Variants in NSUN6 observed in about 807,000 individuals in gnomAD.
NSUN6 encodes tRNA (cytosine(72)-C(5))-methyltransferase NSUN6.
In NSUN6, 64 loss-of-function variants were observed where a neutral mutation model predicts 58.0. That is an observed-to-expected ratio of 1.10 (90% CI 0.90 to 1.36). NSUN6 has a LOEUF of 1.36. NSUN6 is among the 40% of genes most tolerant of loss of function. NSUN6 has a pLI of 0.00. For synonymous variants in NSUN6, 231 were observed against 193.9 expected, an observed-to-expected ratio of 1.19 and a Z score of -1.59; for missense variants, 701 against 550.1, an observed-to-expected ratio of 1.27 and a Z score of -2.74.
intron 8 of NSUN6, among the ~76,000 whole-genome samples, chr10:18,572,925 A>G (rs2056453554): frequency 7.3e-6 from 1 of 137,002 alleles, no homozygotes; most frequent in African/African-American, 2.8e-5. Flanking sequence ...TCCATCCTCC[A>G]TTCCATTCCA....
chr10:18,614,844 T>C (rs1468248459), intron 4 of NSUN6, among the ~76,000 whole-genome samples: 2 of 151,982 alleles, frequency 1.3e-5, no homozygotes, highest in African/African-American at 4.8e-5. Context: ...AGAAATAAAA[T>C]AGCTTCAAAA....
chr10:18,551,291 T>G (rs79238813), intron 9 of NSUN6, among the ~76,000 whole-genome samples: 8 of 148,890 alleles, frequency 5.4e-5, no homozygotes, highest in African/African-American at 1.5e-4. Flanking sequence ...TGTGTGTGTG[T>G]GGTAAAATAT....
intron 6 of NSUN6, among the ~76,000 whole-genome samples, chr10:18,605,558 C>G (rs1451017298): frequency 6.6e-6 from 1 of 152,050 alleles, no homozygotes; most frequent in Non-Finnish European, 1.5e-5. Flanking sequence ...AAATGTCTCC[C>G]CACAGACTGG....
chr10:18,599,582 C>T (rs986622547), intron 6 of NSUN6, among the ~76,000 whole-genome samples: 1 of 152,084 alleles, frequency 6.6e-6, no homozygotes, highest in Non-Finnish European at 1.5e-5. Context: ...GGCATGGAGC[C>T]ATGCGCCACT....
chr10:18,615,775 C>T (rs2058387620), intron 4 of NSUN6, among the ~76,000 whole-genome samples: 2 of 152,164 alleles, frequency 1.3e-5, no homozygotes, highest in Non-Finnish European at 2.9e-5. Flanking sequence ...ACAGGTATGT[C>T]GCCAACTGGG....
intron 10 of NSUN6, among the ~76,000 whole-genome samples, chr10:18,546,425 A>C (rs10828879): frequency 6.6e-6 from 1 of 152,056 alleles, no homozygotes; most frequent in Non-Finnish European, 1.5e-5. Context: ...AGTTGGAAAC[A>C]AGTGGACTCA....
At chr10:18,578,611 T>C (rs889276512) in intron 8 of NSUN6, among the ~76,000 whole-genome samples, 3 of 152,174 alleles carry the variant, frequency 2.0e-5, no homozygotes, top group Non-Finnish European at 4.4e-5. Flanking sequence ...TTCCTTAGAC[T>C]GTTGGTTTAT....
At chr10:18,594,833 C>T (rs1589995326) in intron 7 of NSUN6, among the ~76,000 whole-genome samples, 1 of 152,160 alleles carries the variant, frequency 6.6e-6, no homozygotes, top group South Asian at 2.1e-4. Context: ...ATCCAATATG[C>T]TGTCACTCTG....
chr10:18,565,500 C>G (rs533237242), intron 8 of NSUN6, among the ~76,000 whole-genome samples: 2 of 151,170 alleles, frequency 1.3e-5, no homozygotes, highest in African/African-American at 4.9e-5. Context: ...ATTCTCCATT[C>G]CATTCTATTC....
intron 3 of NSUN6, among the ~76,000 whole-genome samples, chr10:18,633,437 T>G (rs1166568040): frequency 6.6e-6 from 1 of 151,558 alleles, no homozygotes; most frequent in African/African-American, 2.4e-5. Flanking sequence ...TTAAATAAAA[T>G]AAATAAATAA....
At chr10:18,560,996 T>C (rs1280250318) in intron 8 of NSUN6, among the ~76,000 whole-genome samples, 1 of 139,646 alleles carries the variant, frequency 7.2e-6, no homozygotes, top group African/African-American at 2.7e-5. Flanking sequence ...TGGAGTGGAA[T>C]GGAAAATGGG....
At chr10:18,583,039 G>C (rs1160899651) in intron 8 of NSUN6, among the ~76,000 whole-genome samples, 1 of 152,118 alleles carries the variant, frequency 6.6e-6, no homozygotes, top group African/African-American at 2.4e-5. Context: ...AAGAAGTCTG[G>C]AGCAGTCAAA....
At chr10:18,579,260 C>A (rs947627186) in intron 8 of NSUN6, among the ~76,000 whole-genome samples, 1 of 152,126 alleles carries the variant, frequency 6.6e-6, no homozygotes, top group African/African-American at 2.4e-5. Context: ...GCAAGCTCTG[C>A]CTCCCGTTCA....
chr10:18,562,438 AT>A (rs753708114), intron 8 of NSUN6, among the ~76,000 whole-genome samples: 67 of 151,246 alleles, frequency 4.4e-4, no homozygotes, highest in Non-Finnish European at 7.7e-4. Context: ...GGAATGCGGA[AT>A]GGAATGGAAT....
intron 3 of NSUN6, among the ~76,000 whole-genome samples, chr10:18,625,733 A>ATT (rs2058775762): frequency 2.0e-5 from 3 of 149,020 alleles, no homozygotes; most frequent in Non-Finnish European, 4.5e-5. Flanking sequence ...AAAAAAAAAA[A>ATT]AAAAAAAAAA....
At position 18,616,172 on chromosome 10, in the gene NSUN6, CATT is replaced by C; in HGVS notation, c.421+9_421+11del. On this transcript the variant is annotated intron_variant, in intron 4 of 10. Coordinates refer to ENST00000377304, the MANE Select transcript of NSUN6 (RefSeq NM_182543.5). ...AGAGAACCTTAAAGACAAATCTAAA[CATT>C]ATACTTACATTGTGATGCTGACACA... 7.3e-7 allele frequency: 1 copy of C among 1,368,650 alleles called. No homozygotes were observed. The highest frequency in any genetic ancestry group is 1.0e-6 in the Non-Finnish European group (1 of 960,866). The allele number at this position is 1,368,650 out of a possible 1,614,324, so 84.8% of individuals were successfully genotyped here.
chr10:18,574,701 C>T (rs4748490), intron 8 of NSUN6, among the ~76,000 whole-genome samples: 29,671 of 152,028 alleles, frequency 0.2, 3,177 homozygotes, highest in South Asian at 0.31. Context: ...CAGGAAGGAA[C>T]CATCTATACC....
upstream of NSUN6, chr10:18,653,359 A>G (rs966166171): frequency 2.0e-6 from 2 of 978,738 alleles, no homozygotes; most frequent in Non-Finnish European, 2.4e-6. Context: ...CACGGACAGA[A>G]TTGAGGACAT....
At chr10:18,566,464 T>C (rs2055955255) in intron 8 of NSUN6, among the ~76,000 whole-genome samples, 1 of 143,456 alleles carries the variant, frequency 7.0e-6, no homozygotes, top group African/African-American at 2.7e-5. Flanking sequence ...CTGCATTCCA[T>C]TCCATTCTCC....
Sources: allele counts gnomAD v4.1 joint callset (sites outside exome capture counted in the v4.1 genomes callset), GRCh38; gene constraint gnomAD v4.1.1; transcripts MANE v1.5; gene names NCBI Gene and HGNC (gene_info 2026-07-23, HGNC 2026-07-21).